The following FOXP1 variants were observed in gnomAD, a reference collection of about 807,000 sequenced individuals.
FOXP1 encodes the protein forkhead box P1, also known as forkhead box protein P1.
A neutral mutation model predicts 98.2 loss-of-function variants in FOXP1; 15 were observed. The ratio of observed to expected loss-of-function variants is 0.15; its 90% confidence interval spans 0.10 to 0.24. FOXP1 has a LOEUF of 0.24. Ranked by LOEUF, FOXP1 falls within the 10% of genes least tolerant of loss-of-function variation. FOXP1 has a pLI of 1.00. For synonymous variants in FOXP1, 371 were observed against 314.5 expected, an observed-to-expected ratio of 1.18 and a Z score of -1.90; for missense variants, 633 against 848.5, an observed-to-expected ratio of 0.75 and a Z score of 3.15.
At chr3:71,222,773 C>A (rs1003607016) in intron 5 of FOXP1, among the ~76,000 whole-genome samples, 1 of 152,204 alleles carries the variant, frequency 6.6e-6, no homozygotes, top group African/African-American at 2.4e-5. Flanking sequence ...ATATACTTCA[C>A]CTTTGCCTAC....
At chr3:71,486,700 G>A (rs188635927) in intron 3 of FOXP1, among the ~76,000 whole-genome samples, 137 of 152,182 alleles carry the variant, frequency 9.0e-4, no homozygotes, top group Admixed American at 2.4e-3. Context: ...ATAAAATGAC[G>A]GCAATTCTCA....
rs190646432 is a variant in FOXP1 at position 71,278,325 on chromosome 3, G to A, written c.-12+21495C>T. Among the ~76,000 whole-genome samples, 6 of 152,274 alleles carry A rather than the reference G, an allele frequency of 3.9e-5. No homozygotes were observed. The East Asian group carries it at 1.2e-3, about 29-fold the overall frequency. ...GAGTAAGAGAGTTGTCTTCTCTGAT[G>A]TTCTCCATCTTTCCCTCCTTTATGA... On this transcript the variant is annotated intron_variant, in intron 5 of 20. Transcript: ENST00000649528.
intron 2 of FOXP1, among the ~76,000 whole-genome samples, chr3:71,567,339 G>A (rs767146102): frequency 1.3e-5 from 2 of 149,702 alleles, no homozygotes; most frequent in Non-Finnish European, 3.0e-5. Flanking sequence ...CCTAACATCA[G>A]GTTCCATCAC....
At chr3:71,570,762 C>T (rs2047278471) in intron 2 of FOXP1, 1 of 152,208 alleles carries the variant, frequency 6.6e-6, no homozygotes, top group African/African-American at 2.4e-5. Flanking sequence ...CCAATCTTAG[C>T]TCTCAGTGGA....
At chr3:71,403,805 C>G (rs929057421) in intron 3 of FOXP1, among the ~76,000 whole-genome samples, 3 of 152,080 alleles carry the variant, frequency 2.0e-5, no homozygotes, top group Non-Finnish European at 2.9e-5. Context: ...GAGCCAAGAT[C>G]GCACCACTGC....
At chr3:71,011,971 A>T (rs562395391) in intron 12 of FOXP1, among the ~76,000 whole-genome samples, 1 of 152,124 alleles carries the variant, frequency 6.6e-6, no homozygotes, top group African/African-American at 2.4e-5. Flanking sequence ...TCTTCTAATA[A>T]ATATAACCTA....
chr3:71,514,636 C>G (rs539960002), intron 2 of FOXP1, among the ~76,000 whole-genome samples: 27 of 152,358 alleles, frequency 1.8e-4, no homozygotes, highest in Non-Finnish European at 2.6e-4. Flanking sequence ...GCTCTCCCCC[C>G]TGTTGGGAAG....
rs143299923 is a variant in FOXP1 at position 71,326,072 on chromosome 3, GAA to G, written c.-72-26194_-72-26193del. On this transcript the variant is annotated intron_variant, in intron 4 of 20. Coordinates refer to ENST00000649528, the MANE Select transcript of FOXP1 (RefSeq NM_001349338.3). Reference sequence around the variant, plus strand: ...TTACTCTCTTTCTTGCTTTCAAGTAGAAAAAAAAAGCCACCAAATTTCTCTTT... The same window carrying G: ...TTACTCTCTTTCTTGCTTTCAAGTAGAAAAAAAGCCACCAAATTTCTCTTT... 6.6e-5 allele frequency among the ~76,000 whole-genome samples: 10 copies of G among 150,612 alleles called. No homozygotes were observed. The East Asian group carries it at 2.0e-3, about 29-fold the overall frequency.
At chr3:71,476,231 A>G (rs2089826092) in intron 3 of FOXP1, among the ~76,000 whole-genome samples, 1 of 152,182 alleles carries the variant, frequency 6.6e-6, no homozygotes, top group African/African-American at 2.4e-5. Context: ...TTTATAGTGG[A>G]TGAAAGGAAT....
intron 3 of FOXP1, among the ~76,000 whole-genome samples, chr3:71,440,414 AC>A (rs1560491252): frequency 6.6e-6 from 1 of 152,070 alleles, no homozygotes; most frequent in African/African-American, 2.4e-5. Flanking sequence ...GCGGTGGCTC[AC>A]GCCTGTAATC....
intron 5 of FOXP1, among the ~76,000 whole-genome samples, chr3:71,224,501 C>T (rs1029614454): frequency 2.6e-5 from 4 of 152,106 alleles, no homozygotes; most frequent in African/African-American, 9.7e-5. Flanking sequence ...AAGTACAATC[C>T]GCACAAGTGA....
intron 11 of FOXP1, among the ~76,000 whole-genome samples, chr3:71,034,601 T>A (rs566658583): frequency 6.6e-6 from 1 of 152,106 alleles, no homozygotes; most frequent in Non-Finnish European, 1.5e-5. Context: ...AAGCCCTATG[T>A]CAAGTCTGTT....
Position 71,241,388 on chromosome 3 carries a change from C to T in FOXP1, c.-11-42996G>A, listed in dbSNP as rs1002070473. On this transcript the variant is annotated intron_variant, in intron 5 of 20. Coordinates refer to ENST00000649528, the MANE Select transcript of FOXP1 (RefSeq NM_001349338.3). ...ATAGGTCCCAAGTCTGACTTAGGGGCGAGTGGAGAGCATTTGGCGTCTCAA... is the reference window on the plus strand; with the variant it reads ...ATAGGTCCCAAGTCTGACTTAGGGGTGAGTGGAGAGCATTTGGCGTCTCAA... 5.3e-5 allele frequency among the ~76,000 whole-genome samples: 8 copies of T among 152,206 alleles called. No homozygotes were observed. The South Asian group carries it at 1.0e-3, about 20-fold the overall frequency.
At chr3:71,209,532 A>T (rs941773884) in intron 5 of FOXP1, among the ~76,000 whole-genome samples, 1 of 152,246 alleles carries the variant, frequency 6.6e-6, no homozygotes, top group African/African-American at 2.4e-5. Flanking sequence ...CTTACAAAAT[A>T]TCAAAAAATA....
chr3:70,988,252 G>A lies in FOXP1; in HGVS notation c.1063-175C>T, dbSNP rs527246305. ...TGCCAAACTCGAAGTAACCGGAGGT[G>A]TTGGTGTGAGATTTCTCAACACAAG... On this transcript the variant is annotated intron_variant, in intron 13 of 20. Coordinates refer to ENST00000649528, the MANE Select transcript of FOXP1 (RefSeq NM_001349338.3). 3.3e-5 allele frequency among the ~76,000 whole-genome samples: 5 copies of A among 152,346 alleles called. No individual in the cohort carries two copies. The East Asian group carries it at 9.6e-4, about 29-fold the overall frequency.
intron 2 of FOXP1, among the ~76,000 whole-genome samples, chr3:71,515,586 A>T (rs1229172196): frequency 1.3e-5 from 2 of 152,152 alleles, no homozygotes; most frequent in Non-Finnish European, 2.9e-5. Flanking sequence ...TGCCAGAGCC[A>T]ATCTAACATT....
At chr3:71,413,463 A>G (rs2082957444) in intron 3 of FOXP1, among the ~76,000 whole-genome samples, 1 of 152,080 alleles carries the variant, frequency 6.6e-6, no homozygotes. Context: ...CTGTACTTTT[A>G]CTACTTGTTT....
chr3:71,521,899 T>A (rs1350149689), intron 2 of FOXP1, among the ~76,000 whole-genome samples: 1 of 152,136 alleles, frequency 6.6e-6, no homozygotes, highest in Non-Finnish European at 1.5e-5. Flanking sequence ...TTTAAGCACA[T>A]CACTGATGGC....
At chr3:71,444,255 T>G (rs1411638094) in intron 3 of FOXP1, among the ~76,000 whole-genome samples, 1 of 152,204 alleles carries the variant, frequency 6.6e-6, no homozygotes, top group Non-Finnish European at 1.5e-5. Flanking sequence ...GCCCACTGGC[T>G]GCCTCTCGTC....
Sources: gnomAD v4.1 joint callset for allele counts (sites outside exome capture counted in the v4.1 genomes callset) on GRCh38, gnomAD v4.1.1 for gene constraint, MANE v1.5 for transcripts, NCBI Gene and HGNC (gene_info 2026-07-23, HGNC 2026-07-21) for gene names.